The following JMJD1C variants were observed in gnomAD, a reference collection of about 807,000 sequenced individuals.
The protein encoded by JMJD1C is jumonji domain-containing protein 1C.
Under a neutral mutation model 245.3 loss-of-function variants are expected in JMJD1C, and 31 were observed. That is an observed-to-expected ratio of 0.13 (90% CI 0.09 to 0.17). JMJD1C has a LOEUF of 0.17. Ranked by LOEUF, JMJD1C falls within the 10% of genes least tolerant of loss-of-function variation. The pLI is 1.00. For missense variants in JMJD1C, 2,691 were observed against 3,000.2 expected, an observed-to-expected ratio of 0.90 and a Z score of 2.41; for synonymous variants, 1,057 against 1,017.4, an observed-to-expected ratio of 1.04 and a Z score of -0.74.
rs190153148 is a variant in JMJD1C, at chr10:63,489,273, G to A, written n.113+32465C>T. Among the ~76,000 whole-genome samples the A allele has an allele frequency of 7.9e-5, 12 of 152,170 alleles. 1 individual carries two copies. Among genetic ancestry groups the A allele is most frequent in the African/African-American group, 2.7e-4 (11 of 41,502 alleles). ...AAATTAGCTGGGCATGGTGGCGGGC[G>A]CCTGTAATCTCAGCTACTCAGGAGG... On this transcript the variant is annotated intron_variant and non_coding_transcript_variant, in intron 1 of 3. Transcript: ENST00000633035.
intron 3 of JMJD1C, among the ~76,000 whole-genome samples, chr10:63,233,482 CAAACA>C (rs1386578954): frequency 6.6e-6 from 1 of 151,952 alleles, no homozygotes. Context: ...ACACACCAGG[CAAACA>C]AAACAGAATT....
chr10:63,183,326 C>A, intron 22 of JMJD1C, 121 bp downstream of exon 22: 1 of 807,870 alleles, frequency 1.2e-6, no homozygotes, highest in South Asian at 1.9e-5. Context: ...AATGCCCCTA[C>A]ATCCATTGCA....
chr10:63,335,023 G>GAAGA (rs1942563813), intron 2 of JMJD1C, among the ~76,000 whole-genome samples: 1 of 100,836 alleles, frequency 9.9e-6, no homozygotes, highest in African/African-American at 4.1e-5. Flanking sequence ...TCTGTCTTTG[G>GAAGA]AAAAAAATAA....
At chr10:63,222,176 G>C (rs116740102) in intron 3 of JMJD1C, 7 of 747,912 alleles carry the variant, frequency 9.4e-6, no homozygotes, top group Non-Finnish European at 1.8e-5. Context: ...CAAGTTTATC[G>C]ATATTGTTAT....
intron 21 of JMJD1C, among the ~76,000 whole-genome samples, chr10:63,184,116 G>A (rs543181192): frequency 4.0e-5 from 6 of 151,770 alleles, no homozygotes; most frequent in Admixed American, 2.6e-4. Flanking sequence ...TAGTAGAGAT[G>A]GGGTTTCACC....
At chr10:63,179,238 C>A (rs1417978092) in intron 22 of JMJD1C, among the ~76,000 whole-genome samples, 1 of 151,784 alleles carries the variant, frequency 6.6e-6, no homozygotes, top group Non-Finnish European at 1.5e-5. Context: ...GAAGAAACCC[C>A]ATCTCTACTA....
chr10:63,258,984 C>T (rs888913113), intron 3 of JMJD1C, among the ~76,000 whole-genome samples: 3 of 152,038 alleles, frequency 2.0e-5, no homozygotes, highest in Non-Finnish European at 4.4e-5. Flanking sequence ...AATACTGTAC[C>T]AGGTCAAATT....
At chr10:63,329,797 G>A (rs1307999784) in intron 2 of JMJD1C, among the ~76,000 whole-genome samples, 3 of 152,170 alleles carry the variant, frequency 2.0e-5, no homozygotes, top group East Asian at 1.9e-4. Context: ...ACAGCTCCCC[G>A]TCAGCCACAC....
intron 1 of JMJD1C, among the ~76,000 whole-genome samples, chr10:63,432,908 TCTAAGA>T (rs1265001113): frequency 6.6e-6 from 1 of 152,182 alleles, no homozygotes; most frequent in Non-Finnish European, 1.5e-5. Flanking sequence ...TCATGACAAT[TCTAAGA>T]CTAACTGAAT....
chr10:63,351,471 G>C (rs559171840), intron 2 of JMJD1C, among the ~76,000 whole-genome samples: 7 of 151,922 alleles, frequency 4.6e-5, no homozygotes, highest in South Asian at 2.1e-4. Context: ...ACAAGTTTGA[G>C]GTCTATTATA....
At chr10:63,451,226 CA>C (rs1366959739) in intron 1 of JMJD1C, among the ~76,000 whole-genome samples, 1 of 152,174 alleles carries the variant, frequency 6.6e-6, no homozygotes, top group Non-Finnish European at 1.5e-5. Context: ...AGATTCAATA[CA>C]TACAAACCCT....
rs1018450949 is a variant in JMJD1C at position 63,465,395 on chromosome 10, G to A, written c.168+100C>T. ...CAGCAGAGGGGCGTGACCGCCAGTT[G>A]GCCGGGCTGAGCGAGGCGCCAGAGG... On this transcript the variant is annotated intron_variant, in intron 1 of 25. Transcript: ENST00000399262. 1.0e-5 allele frequency: 13 copies of A among 1,244,346 alleles called. No individual in the cohort carries two copies. In the Admixed American group the frequency reaches 1.6e-4, roughly 15 times the overall value. 77.1% of individuals were successfully genotyped at this position (1,244,346 alleles called of 1,614,324 possible). A position where few individuals can be genotyped will look rare whatever the true frequency, so the allele number is the denominator to read the frequency against.
At chr10:63,483,191 G>T (rs1174568775) in intron 1 of JMJD1C, among the ~76,000 whole-genome samples, 1 of 152,120 alleles carries the variant, frequency 6.6e-6, no homozygotes, top group Non-Finnish European at 1.5e-5. Context: ...ACTAATTTTA[G>T]TTCCTCCATG....
intron 1 of JMJD1C, chr10:63,428,033 T>G (rs144405414): frequency 3.3e-6 from 2 of 606,620 alleles, no homozygotes; most frequent in Non-Finnish European, 6.0e-6. Flanking sequence ...TCATTAAAAA[T>G]CAATTTCCAG....
At chr10:63,373,204 T>C (rs920437187) in intron 2 of JMJD1C, among the ~76,000 whole-genome samples, 3 of 152,154 alleles carry the variant, frequency 2.0e-5, no homozygotes, top group Non-Finnish European at 4.4e-5. Flanking sequence ...CCTACAGCAT[T>C]AGAATGGCCT....
chr10:63,339,992 G>A (rs536513166), intron 2 of JMJD1C, among the ~76,000 whole-genome samples: 2 of 152,082 alleles, frequency 1.3e-5, no homozygotes, highest in Non-Finnish European at 2.9e-5. Flanking sequence ...CCCAGGAGGC[G>A]GAGGTTGCAG....
chr10:63,436,509 T>C (rs1050832021), intron 1 of JMJD1C, among the ~76,000 whole-genome samples: 3 of 152,190 alleles, frequency 2.0e-5, no homozygotes, highest in Non-Finnish European at 2.9e-5. Context: ...CAGCACATTA[T>C]ACTAACCTAC....
At chr10:63,479,837 G>A (rs948584037) in intron 1 of JMJD1C, among the ~76,000 whole-genome samples, 2 of 152,064 alleles carry the variant, frequency 1.3e-5, no homozygotes, top group African/African-American at 4.8e-5. Context: ...CACAGAAATA[G>A]CAGAACTTCT....
chr10:63,306,817 T>C (rs1938315916), intron 2 of JMJD1C, among the ~76,000 whole-genome samples: 1 of 152,140 alleles, frequency 6.6e-6, no homozygotes, highest in African/African-American at 2.4e-5. Context: ...CAATGATAAA[T>C]AAGGTTTATA....
Sources: allele counts gnomAD v4.1 joint callset (sites outside exome capture counted in the v4.1 genomes callset), GRCh38; gene constraint gnomAD v4.1.1; transcripts MANE v1.5; gene names NCBI Gene and HGNC (gene_info 2026-07-23, HGNC 2026-07-21).